UNC13C: variants seen among roughly 807,000 people sequenced by gnomAD.
The protein encoded by UNC13C is protein unc-13 homolog C.
UNC13C carries 174 observed loss-of-function variants against 245.4 expected under a neutral mutation model. The observed-to-expected ratio is 0.71, with a 90% CI of 0.63 to 0.80. The LOEUF is 0.80. UNC13C is among the 30% of genes least tolerant of loss of function. UNC13C has a pLI of 0.00. For missense variants in UNC13C, 2,829 were observed against 2,602.9 expected (o/e 1.09, Z -1.89); for synonymous variants, 992 against 895.1 (o/e 1.11, Z -1.93).
chr15:54,235,144 G>A (rs1214684276), intron 5 of UNC13C, 36 bp downstream of exon 5: 9 of 1,587,966 alleles, frequency 5.7e-6, no homozygotes, highest in Admixed American at 1.7e-5. Flanking sequence ...TCGATTGCAT[G>A]TGTGGTTTTT....
At chr15:54,472,733 G>T (rs34085234) in intron 19 of UNC13C, among the ~76,000 whole-genome samples, 46,219 of 151,590 alleles carry the variant, frequency 0.3, 7,500 homozygotes, top group East Asian at 0.52. Flanking sequence ...TTCTGGCCTA[G>T]AATGTTTCTT....
At chr15:54,225,439 T>C (rs2035353242) in intron 4 of UNC13C, among the ~76,000 whole-genome samples, 1 of 152,246 alleles carries the variant, frequency 6.6e-6, no homozygotes, top group African/African-American at 2.4e-5. Context: ...TTTCTATCCA[T>C]GAGCATGGAA....
At chr15:54,577,205 T>C (rs977371807) in intron 30 of UNC13C, among the ~76,000 whole-genome samples, 4 of 41,440 alleles carry the variant, frequency 9.7e-5, no homozygotes, top group Non-Finnish European at 2.1e-4. Context: ...AAAAGACTAC[T>C]TTTTTTTGGC....
In UNC13C at chr15:54,500,195, A is replaced by G. The variant is rs1283125560; in HGVS notation, c.5157+20A>G. ...GATGGAGTGAGTTTAAATTACCTTAAGAAAGTTCATTGCCATGATTCAGTC... is the reference window on the plus strand; with the variant it reads ...GATGGAGTGAGTTTAAATTACCTTAGGAAAGTTCATTGCCATGATTCAGTC... On this transcript the variant is annotated intron_variant, in intron 21 of 32. Transcript: ENST00000260323. The G allele has an allele frequency of 6.4e-7, 1 of 1,560,104 alleles. No individual in the cohort carries two copies. The highest frequency in any genetic ancestry group is 8.8e-7 in the Non-Finnish European group (1 of 1,136,774).
chr15:54,348,405 A>C (rs2038907628), intron 17 of UNC13C, among the ~76,000 whole-genome samples: 1 of 152,188 alleles, frequency 6.6e-6, no homozygotes, highest in African/African-American at 2.4e-5. Context: ...CATTGAGTTT[A>C]GTGAAAACAG....
intron 30 of UNC13C, chr15:54,611,564 T>G (rs2141289768): frequency 6.6e-6 from 1 of 152,270 alleles, no homozygotes; most frequent in East Asian, 1.9e-4. Context: ...TGGAGGAACT[T>G]TTAAGAATCC....
chr15:54,243,815 A>G (rs77685023), intron 7 of UNC13C, among the ~76,000 whole-genome samples: 3,856 of 152,060 alleles, frequency 0.025, 159 homozygotes, highest in African/African-American at 0.089. Context: ...CCACTTTTTA[A>G]TGAGATTGTT....
In UNC13C at chr15:54,015,227, C is replaced by G; in HGVS notation, c.2324C>G (p.Pro775Arg). 1 of 1,613,298 alleles carries G rather than the reference C, an allele frequency of 6.2e-7. No homozygotes were observed. Among genetic ancestry groups the G allele is most frequent in the Non-Finnish European group, 8.5e-7 (1 of 1,179,690 alleles). Residue 775 changes from proline (P) to arginine (R), a missense_variant, in exon 2 of 33, where the codon CCA becomes CGA. Pro to Arg is a moderately radical substitution (Grantham distance 103, BLOSUM62 -2). Coordinates refer to ENST00000260323, the MANE Select transcript of UNC13C (RefSeq NM_001080534.3). ...ELQSDDSEDA[P>R]PKSWHSRLSI... is the part of the protein sequence containing the mutation. ...CAAAGTGATGATTCAGAGGATGCCC[C>G]ACCCAAATCATGGCATAGTCGATTA...
chr15:54,568,333 C>G (rs1897605839), intron 30 of UNC13C, among the ~76,000 whole-genome samples: 1 of 152,028 alleles, frequency 6.6e-6, no homozygotes, highest in Admixed American at 6.6e-5. Context: ...TAATAATTCC[C>G]TAAATCCTAA....
At chr15:54,272,427 A>T (rs1402377119) in intron 10 of UNC13C, among the ~76,000 whole-genome samples, 1 of 152,208 alleles carries the variant, frequency 6.6e-6, no homozygotes, top group Non-Finnish European at 1.5e-5. Context: ...ATAATCATGC[A>T]TCTGATTTAT....
the UNC13C span, among the ~76,000 whole-genome samples, chr15:53,903,717 C>G: frequency 6.6e-6 from 1 of 152,238 alleles, no homozygotes; most frequent in South Asian, 2.1e-4. Flanking sequence ...TAGACAGTAT[C>G]TTCTCGGAAA....
At chr15:54,600,290 A>T (rs1413597413) in intron 30 of UNC13C, among the ~76,000 whole-genome samples, 1 of 152,058 alleles carries the variant, frequency 6.6e-6, no homozygotes, top group Non-Finnish European at 1.5e-5. Context: ...TTATCTAGGG[A>T]ACACTGTGTA....
In UNC13C at chr15:54,549,627, G is replaced by A; in HGVS notation, c.5821-8G>A. 1 of 1,596,058 alleles carries A rather than the reference G, an allele frequency of 6.3e-7. No homozygotes were observed. The highest frequency in any genetic ancestry group is 8.5e-7 in the Non-Finnish European group (1 of 1,171,548). ...CTGAGTCTTCTCTCACTTTTTCTTT[G>A]TTTCTAGGGACCCCAGATGATTTTC... On this transcript the variant is annotated splice_polypyrimidine_tract_variant and splice_region_variant and intron_variant, in intron 27 of 32. Coordinates refer to ENST00000260323, the MANE Select transcript of UNC13C (RefSeq NM_001080534.3).
chr15:54,280,765 CATACATAT>C (rs2036970563), intron 10 of UNC13C, among the ~76,000 whole-genome samples: 1 of 113,330 alleles, frequency 8.8e-6, no homozygotes, highest in South Asian at 2.5e-4. Context: ...CACATACATA[CATACATAT>C]ATATATATAC....
chr15:54,409,843 A>G (rs973749118), intron 18 of UNC13C, among the ~76,000 whole-genome samples: 6 of 152,170 alleles, frequency 3.9e-5, no homozygotes, highest in African/African-American at 1.4e-4. Context: ...ATGACCATAC[A>G]AGTGCATGTG....
chr15:54,021,363 G>C (rs1296776243), intron 2 of UNC13C, among the ~76,000 whole-genome samples: 1 of 152,042 alleles, frequency 6.6e-6, no homozygotes, highest in African/African-American at 2.4e-5. Context: ...CCAACCCTTA[G>C]CCTCAGGTAA....
rs148266867 is a variant in UNC13C at position 54,173,096 on chromosome 15, T to A, written c.3071+29412T>A. On this transcript the variant is annotated intron_variant, in intron 4 of 32. Coordinates refer to ENST00000260323, the MANE Select transcript of UNC13C (RefSeq NM_001080534.3). ...CTATCCTGTTCACTAATCTTTGTGA[T>A]GATGCTGATATCACATAATCATAAC... is the stretch of plus-strand genomic sequence containing the variant. Among the ~76,000 whole-genome samples the A allele has an allele frequency of 3.3e-5, 5 of 152,062 alleles. No homozygotes were observed. In the East Asian group the frequency reaches 9.7e-4, roughly 29 times the overall value.
At chr15:53,990,351 C>A (rs1180557099) in intron 1 of UNC13C, among the ~76,000 whole-genome samples, 1 of 151,816 alleles carries the variant, frequency 6.6e-6, no homozygotes, top group East Asian at 1.9e-4. Flanking sequence ...TTTCAAAAAA[C>A]CCAGCAAAGT....
At chr15:54,133,031 C>T (rs2031523493) in intron 2 of UNC13C, among the ~76,000 whole-genome samples, 2 of 152,012 alleles carry the variant, frequency 1.3e-5, no homozygotes, top group African/African-American at 2.4e-5. Context: ...TATATCTATC[C>T]ATCTTAATCT....
Sources: gnomAD v4.1 joint callset for allele counts (sites outside exome capture counted in the v4.1 genomes callset) on GRCh38, gnomAD v4.1.1 for gene constraint, MANE v1.5 for transcripts, NCBI Gene and HGNC (gene_info 2026-07-23, HGNC 2026-07-21) for gene names.